The following KANSL1 variants were observed in gnomAD, a reference collection of about 807,000 sequenced individuals.
The protein encoded by KANSL1 is KAT8 regulatory NSL complex subunit 1, also known as MLL1/MLL complex subunit KANSL1.
Under a neutral mutation model 103.6 loss-of-function variants are expected in KANSL1, and 22 were observed. The observed-to-expected ratio is 0.21, with a 90% CI of 0.15 to 0.30. KANSL1 has a LOEUF of 0.30. Among genes scored for constraint, KANSL1 ranks in the 10% least tolerant of loss-of-function variants. The pLI is 1.00. For synonymous variants in KANSL1, 600 were observed against 527.6 expected, an observed-to-expected ratio of 1.14 and a Z score of -1.88; for missense variants, 1,337 against 1,399.8, an observed-to-expected ratio of 0.96 and a Z score of 0.72.
chr17:46,153,447 A>G (rs982101988), intron 2 of KANSL1, among the ~76,000 whole-genome samples: 2 of 152,242 alleles, frequency 1.3e-5, no homozygotes, highest in South Asian at 4.1e-4. Flanking sequence ...TAAATATATA[A>G]ATAAAGCCAC....
chr17:46,182,249 A>G lies in KANSL1; in HGVS notation c.-89-10017T>C, dbSNP rs73321007. ...AAAAAGGAGGAAACACGAATCAAAAAATTGACACAATCAAAATAATGGGAA... is the reference window on the plus strand; with the variant it reads ...AAAAAGGAGGAAACACGAATCAAAAGATTGACACAATCAAAATAATGGGAA... On this transcript the variant is annotated intron_variant, in intron 1 of 14. Coordinates refer to ENST00000432791, the MANE Select transcript of KANSL1 (RefSeq NM_015443.4). 5.0e-3 allele frequency among the ~76,000 whole-genome samples: 768 copies of G among 152,332 alleles called. 17 individuals are homozygous for G. Among genetic ancestry groups the G allele is most frequent in the African/African-American group, 0.018 (742 of 41,554 alleles).
At chr17:46,038,814 G>A (rs2077226796) in intron 9 of KANSL1, 128 bp from the exon 10 acceptor site, 6 of 1,295,774 alleles carry the variant, frequency 4.6e-6, no homozygotes, top group Non-Finnish European at 6.5e-6. Context: ...AGGATAAAAA[G>A]GTGAAGCACA....
At chr17:46,063,751 G>C (rs895059707) in intron 6 of KANSL1, among the ~76,000 whole-genome samples, 1 of 152,078 alleles carries the variant, frequency 6.6e-6, no homozygotes, top group African/African-American at 2.4e-5. Flanking sequence ...ATCAGAAGAA[G>C]GTTGGCTACT....
At chr17:46,097,356 C>T (rs2042130476) in intron 2 of KANSL1, among the ~76,000 whole-genome samples, 1 of 152,086 alleles carries the variant, frequency 6.6e-6, no homozygotes. Context: ...ATCAACATGA[C>T]CTAATCTCAA....
At chr17:46,062,999 G>A (rs928726439) in intron 6 of KANSL1, among the ~76,000 whole-genome samples, 1 of 152,152 alleles carries the variant, frequency 6.6e-6, no homozygotes, top group Non-Finnish European at 1.5e-5. Context: ...GCAGTGAGCC[G>A]AGATCGCACC....
chr17:46,129,886 T>A (rs1439981845), intron 2 of KANSL1, among the ~76,000 whole-genome samples: 1 of 152,034 alleles, frequency 6.6e-6, no homozygotes, highest in Non-Finnish European at 1.5e-5. Flanking sequence ...TGACCATACA[T>A]TAGAATCATC....
chr17:46,193,670 C>G, upstream of KANSL1: 1 of 309,528 alleles, frequency 3.2e-6, no homozygotes, highest in Non-Finnish European at 6.7e-6. Flanking sequence ...CCGGCCCCAG[C>G]TGCCCCGGAC....
At chr17:46,170,050 G>A (rs773080013) in intron 2 of KANSL1, among the ~76,000 whole-genome samples, 2 of 152,182 alleles carry the variant, frequency 1.3e-5, no homozygotes, top group Admixed American at 6.5e-5. Context: ...GCTGAGGCCC[G>A]AGAATCACCT....
intron 1 of KANSL1, among the ~76,000 whole-genome samples, chr17:46,185,041 C>T (rs2046955156): frequency 6.6e-6 from 1 of 152,088 alleles, no homozygotes; most frequent in South Asian, 2.1e-4. Flanking sequence ...AGGGTTCCAC[C>T]ATGTTGGCCT....
At chr17:46,173,917 A>G (rs1452345870) in intron 1 of KANSL1, among the ~76,000 whole-genome samples, 2 of 152,250 alleles carry the variant, frequency 1.3e-5, no homozygotes, top group Non-Finnish European at 2.9e-5. Context: ...GCACAGTACA[A>G]CTGAGTTGCA....
chr17:46,095,318 C>G (rs2042014699), intron 2 of KANSL1, among the ~76,000 whole-genome samples: 1 of 152,040 alleles, frequency 6.6e-6, no homozygotes, highest in Non-Finnish European at 1.5e-5. Context: ...TTAATGAAAG[C>G]TGAGAAACAG....
In KANSL1 at chr17:46,118,176, G is replaced by T. The variant is rs116511771; in HGVS notation, c.1290-23475C>A. Among the ~76,000 whole-genome samples, 212 of 152,334 alleles carry T rather than the reference G, an allele frequency of 1.4e-3. 1 individual carries two copies. The highest frequency in any genetic ancestry group is 5.0e-3 in the African/African-American group (209 of 41,568). On this transcript the variant is annotated intron_variant, in intron 2 of 14. Coordinates refer to ENST00000432791, the MANE Select transcript of KANSL1 (RefSeq NM_015443.4). ...ACTCTTAGATAAAAGAGCACTAACTGAGGGTCATGTTCCCGACGTTAGTTT... is the reference window on the plus strand; with the variant it reads ...ACTCTTAGATAAAAGAGCACTAACTTAGGGTCATGTTCCCGACGTTAGTTT...
intron 1 of KANSL1, among the ~76,000 whole-genome samples, chr17:46,204,413 G>A (rs970752895): frequency 7.3e-5 from 11 of 151,700 alleles, no homozygotes; most frequent in Non-Finnish European, 1.0e-4. Flanking sequence ...TGCAGTGAGC[G>A]GAGATCACAC....
intron 2 of KANSL1, among the ~76,000 whole-genome samples, chr17:46,151,591 A>G (rs536996826): frequency 2.0e-5 from 3 of 152,376 alleles, no homozygotes; most frequent in Admixed American, 2.0e-4. Context: ...AAACTCCCTG[A>G]AAACTGTAAT....
chr17:46,143,542 C>T (rs1213141797), intron 2 of KANSL1, among the ~76,000 whole-genome samples: 4 of 151,676 alleles, frequency 2.6e-5, no homozygotes, highest in South Asian at 2.1e-4. Flanking sequence ...CAGTGGCTCA[C>T]GCCTGTAATC....
In KANSL1 at chr17:46,031,700, C is replaced by A. The variant is rs767917046; in HGVS notation, c.3094G>T (p.Val1032Phe). The change falls in exon 15 of 15, where the codon GTC becomes TTC. Residue 1032 changes from valine to phenylalanine, a missense_variant. Val to Phe is a conservative substitution (Grantham distance 50). This residue lies in a region of KANSL1 where 780 missense variants were observed against 923.4 expected (regional missense o/e 0.84). Coordinates refer to ENST00000432791, the MANE Select transcript of KANSL1 (RefSeq NM_015443.4). The stretch of plus-strand genomic sequence containing the variant: ...AAGGTCCGCCGCTCCCAGGGCTGGA[C>A]AGACTGTAGGCAGACAAGTTGCTCT... ...TPELGLDEQSVQPWERRTFPL... is the reference protein window; with the variant it reads ...TPELGLDEQSFQPWERRTFPL... The A allele has an allele frequency of 6.2e-7, 1 of 1,600,834 alleles. No homozygotes were observed. The highest frequency in any genetic ancestry group is 8.5e-7 in the Non-Finnish European group (1 of 1,170,052).
intron 7 of KANSL1, among the ~76,000 whole-genome samples, chr17:46,048,327 G>A (rs960702425): frequency 6.6e-6 from 1 of 152,024 alleles, no homozygotes; most frequent in African/African-American, 2.4e-5. Flanking sequence ...AGCACTTTAG[G>A]GAGGCCGAGG....
chr17:46,141,718 A>G (rs1021223132), intron 2 of KANSL1, among the ~76,000 whole-genome samples: 1 of 152,256 alleles, frequency 6.6e-6, no homozygotes, highest in Non-Finnish European at 1.5e-5. Context: ...GATATTCTTT[A>G]CAAGTTAACC....
intron 2 of KANSL1, among the ~76,000 whole-genome samples, chr17:46,161,349 T>C (rs910725416): frequency 1.3e-5 from 2 of 150,138 alleles, no homozygotes; most frequent in Non-Finnish European, 2.9e-5. Flanking sequence ...GGCAGGAGAA[T>C]GGCGTGAACC....
Sources: allele counts gnomAD v4.1 joint callset (sites outside exome capture counted in the v4.1 genomes callset), GRCh38; gene constraint gnomAD v4.1.1; regional missense constraint gnomAD v4.1.1; transcripts MANE v1.5; gene names NCBI Gene and HGNC (gene_info 2026-07-23, HGNC 2026-07-21).